The following POU2AF1 variants were observed in gnomAD, a reference collection of about 807,000 sequenced individuals.
POU2AF1 encodes POU domain class 2-associating factor 1.
POU2AF1 carries 12 observed loss-of-function variants against 26.3 expected under a neutral mutation model. That is an observed-to-expected ratio of 0.46 (90% CI 0.29 to 0.74). POU2AF1 has a LOEUF of 0.74. Among genes scored for constraint, POU2AF1 ranks in the 30% least tolerant of loss-of-function variants. The pLI, the probability that POU2AF1 is intolerant of heterozygous loss-of-function variation, is 0.09. For synonymous variants in POU2AF1, 175 were observed against 148.0 expected (o/e 1.18, Z -1.32); for missense variants, 297 against 334.5 (o/e 0.89, Z 0.87).
chr11:111,377,235 C>T (rs939632780), intron 1 of POU2AF1, among the ~76,000 whole-genome samples: 24 of 148,160 alleles, frequency 1.6e-4, no homozygotes, highest in South Asian at 4.2e-4. Flanking sequence ...AAAAAAACAG[C>T]TGGGTGTGGT....
At chr11:111,354,628 AC>A in intron 4 of POU2AF1, 53 bp from the exon 5 acceptor site, 1 of 1,432,640 alleles carries the variant, frequency 7.0e-7, no homozygotes, top group Non-Finnish European at 9.2e-7. Flanking sequence ...AGACCCATCC[AC>A]CCATCCTTGC....
chr11:111,371,905 C>T (rs188904425), intron 1 of POU2AF1, among the ~76,000 whole-genome samples: 1 of 152,144 alleles, frequency 6.6e-6, no homozygotes, highest in East Asian at 1.9e-4. Context: ...TCAGATCTGC[C>T]TGCCCCAGAA....
intron 1 of POU2AF1, among the ~76,000 whole-genome samples, chr11:111,376,297 C>A (rs573495056): frequency 6.6e-6 from 1 of 152,328 alleles, no homozygotes; most frequent in African/African-American, 2.4e-5. Context: ...GTTGCACAGG[C>A]AACTTTCAGA....
At chr11:111,378,912 G>A (rs1050805635) in intron 1 of POU2AF1, among the ~76,000 whole-genome samples, 1 of 152,132 alleles carries the variant, frequency 6.6e-6, no homozygotes, top group Non-Finnish European at 1.5e-5. Flanking sequence ...ACCCTGAGCC[G>A]TCCCACCTTG....
chr11:111,360,263 C>T (rs1860979451), intron 1 of POU2AF1, among the ~76,000 whole-genome samples: 1 of 152,122 alleles, frequency 6.6e-6, no homozygotes. Flanking sequence ...TATTATCCAC[C>T]GATAAGGGCC....
intron 1 of POU2AF1, 124 bp downstream of exon 1, chr11:111,379,038 C>G (rs1242540989): frequency 1.0e-6 from 1 of 998,132 alleles, no homozygotes; most frequent in Non-Finnish European, 1.5e-6. Context: ...GGCTTGGAAC[C>G]CAGACCCCCT....
At position 111,352,570 on chromosome 11, in the gene POU2AF1, G is replaced by T; in HGVS notation, c.*1691C>A. On this transcript the variant is annotated 3_prime_UTR_variant, in exon 5 of 5. Coordinates refer to ENST00000393067, the MANE Select transcript of POU2AF1 (RefSeq NM_006235.3). ...GCTCCAGAGGTCCCCAGGAGGGAGG[G>T]TGTTTGCGTGGAGGGGGCCTTGGTT... is the stretch of plus-strand genomic sequence containing the variant. 1 of 180,846 alleles carries T rather than the reference G, an allele frequency of 5.5e-6. No individual in the cohort carries two copies. The highest frequency in any genetic ancestry group is 1.2e-5 in the Non-Finnish European group (1 of 84,562). The allele number at this position is 180,846 out of a possible 1,614,324, so 11.2% of individuals were successfully genotyped here.
chr11:111,360,064 A>G (rs930102224), intron 1 of POU2AF1: 2 of 518,790 alleles, frequency 3.9e-6, no homozygotes, highest in East Asian at 1.1e-4. Flanking sequence ...AAACCAAAGC[A>G]TTGACCCAAA....
intron 1 of POU2AF1, among the ~76,000 whole-genome samples, chr11:111,367,930 C>A (rs1861135918): frequency 6.6e-6 from 1 of 152,130 alleles, no homozygotes; most frequent in Admixed American, 6.5e-5. Context: ...AAACTGGGGT[C>A]ACCGGAGCAG....
At chr11:111,372,055 C>CAGAGAGAGAGAGAGAG (rs1469970188) in intron 1 of POU2AF1, among the ~76,000 whole-genome samples, 4 of 137,614 alleles carry the variant, frequency 2.9e-5, no homozygotes, top group African/African-American at 1.2e-4. Flanking sequence ...CACACACACA[C>CAGAGAGAGAGAGAGAG]ACACACACAC....
Position 111,357,451 on chromosome 11 carries a change from A to T in POU2AF1, c.450T>A (p.Asn150Lys). ...CTGCCTTTGTGTGACATACCGTGAC[A>T]TTGGTGATGAGTGGCGGAGAGGCAT... The part of the protein sequence containing the change: ...LTYASPPLIT[N>K]VTTRSSATPA... Residue 150 changes from asparagine (N) to lysine (K), a missense_variant, in exon 4 of 5, where the codon AAT becomes AAA. Coordinates refer to ENST00000393067, the MANE Select transcript of POU2AF1 (RefSeq NM_006235.3). The T allele has an allele frequency of 6.2e-7, 1 of 1,614,148 alleles. No individual in the cohort carries two copies. The highest frequency in any genetic ancestry group is 8.5e-7 in the Non-Finnish European group (1 of 1,180,022).
chr11:111,377,839 C>T (rs778408763), intron 1 of POU2AF1: 34 of 184,672 alleles, frequency 1.8e-4, no homozygotes, highest in Non-Finnish European at 3.2e-4. Context: ...GATAGGCTGC[C>T]GCTGCTCCAT....
intron 1 of POU2AF1, 121 bp downstream of exon 1, chr11:111,379,041 G>T: frequency 1.2e-6 from 1 of 861,546 alleles, no homozygotes. Flanking sequence ...TTGGAACCCA[G>T]ACCCCCTCCC....
At chr11:111,365,379 C>G (rs531630705) in intron 1 of POU2AF1, among the ~76,000 whole-genome samples, 3 of 152,130 alleles carry the variant, frequency 2.0e-5, no homozygotes, top group African/African-American at 7.2e-5. Flanking sequence ...ACCTAAACAA[C>G]AGGTAAACCT....
intron 1 of POU2AF1, chr11:111,359,219 G>C (rs1860957424): frequency 2.4e-6 from 1 of 422,442 alleles, no homozygotes; most frequent in South Asian, 3.1e-5. Context: ...CACAAACCCT[G>C]TCTCCAACCA....
At chr11:111,361,844 A>G (rs982621475) in intron 1 of POU2AF1, among the ~76,000 whole-genome samples, 21 of 152,218 alleles carry the variant, frequency 1.4e-4, no homozygotes, top group Non-Finnish European at 3.1e-4. Flanking sequence ...CATTTAATAC[A>G]TGTGAGCTCC....
intron 1 of POU2AF1, among the ~76,000 whole-genome samples, chr11:111,369,146 A>G (rs1206134988): frequency 6.6e-6 from 1 of 152,206 alleles, no homozygotes; most frequent in Non-Finnish European, 1.5e-5. Flanking sequence ...CAGGGAAGCC[A>G]ATGATGCTGC....
At chr11:111,358,563 TACACTCAC>T (rs1188960887) in intron 2 of POU2AF1, among the ~76,000 whole-genome samples, 14 of 118,980 alleles carry the variant, frequency 1.2e-4, no homozygotes, top group Middle Eastern at 6.3e-3. Flanking sequence ...CTCACATGCA[TACACTCAC>T]ACACTCACAC....
intron 1 of POU2AF1, among the ~76,000 whole-genome samples, chr11:111,365,407 A>G (rs958176091): frequency 1.3e-5 from 2 of 152,160 alleles, no homozygotes; most frequent in Non-Finnish European, 2.9e-5. Flanking sequence ...GTACAAGGCC[A>G]TTTTGCAAGA....
Sources: allele counts gnomAD v4.1 joint callset (sites outside exome capture counted in the v4.1 genomes callset), GRCh38; gene constraint gnomAD v4.1.1; transcripts MANE v1.5; gene names NCBI Gene and HGNC (gene_info 2026-07-23, HGNC 2026-07-21).